Variants in LRCH1 observed in about 807,000 individuals in gnomAD.
LRCH1 encodes leucine-rich repeat and calponin homology domain-containing protein 1.
LRCH1 carries 23 observed loss-of-function variants against 94.9 expected under a neutral mutation model. The ratio of observed to expected loss-of-function variants is 0.24; its 90% confidence interval spans 0.17 to 0.34. The LOEUF (loss-of-function observed/expected upper bound fraction) is 0.34, where lower values mean the gene tolerates loss of function less well. Among genes scored for constraint, LRCH1 ranks in the 10% least tolerant of loss-of-function variants. The pLI, the probability that LRCH1 is intolerant of heterozygous loss-of-function variation, is 1.00. For missense variants in LRCH1, 790 were observed against 945.9 expected (o/e 0.84, Z 2.16); for synonymous variants, 364 against 354.9 (o/e 1.03, Z -0.29).
intron 2 of LRCH1, 68 bp from the exon 3 acceptor site, chr13:46,668,962 A>T: frequency 6.6e-7 from 1 of 1,523,264 alleles, no homozygotes; most frequent in Admixed American, 1.8e-5. Flanking sequence ...TCTTGTTAAA[A>T]ACAGGTTCAC....
At chr13:46,714,948 C>A (rs144812103) in intron 15 of LRCH1, among the ~76,000 whole-genome samples, 3 of 151,888 alleles carry the variant, frequency 2.0e-5, no homozygotes, top group Admixed American at 2.0e-4. Flanking sequence ...AGAGGTATGT[C>A]CAGGATTGAG....
At position 46,742,803 on chromosome 13, in the gene LRCH1, T is replaced by C. The variant is rs1873736229; in HGVS notation, c.*955T>C. 1.0e-6 allele frequency: 1 copy of C among 985,228 alleles called. No homozygotes were observed. Among genetic ancestry groups the C allele is most frequent in the African/African-American group, 1.7e-5 (1 of 57,206 alleles). The allele number at this position is 985,228 out of a possible 1,614,324, so 61.0% of individuals were successfully genotyped here. A position where few individuals can be genotyped will look rare whatever the true frequency, so the allele number is the denominator to read the frequency against. ...AACATTCTTGGTCCTGGTGCTTGGGTTATGATGGCAGGAGTCAAGAAGAAG... is the reference window on the plus strand; with the variant it reads ...AACATTCTTGGTCCTGGTGCTTGGGCTATGATGGCAGGAGTCAAGAAGAAG... On this transcript the variant is annotated 3_prime_UTR_variant, in exon 20 of 20. Transcript: ENST00000389797.
chr13:46,553,283 C>G lies in LRCH1; in HGVS notation c.-114C>G, dbSNP rs2050019672. ...CCACACCCTCCTCCCCTCCTTCCAG[C>G]GCCTTTCGGTGGAGCACTGCGGCAC... On this transcript the variant is annotated 5_prime_UTR_variant, in exon 1 of 20. Coordinates refer to ENST00000389797, the MANE Select transcript of LRCH1 (RefSeq NM_001164211.2). 11 of 791,542 alleles carry G rather than the reference C, an allele frequency of 1.4e-5. No individual in the cohort carries two copies. In the South Asian group the frequency reaches 1.8e-4, roughly 13 times the overall value. The allele number at this position is 791,542 out of a possible 1,614,324, so 49.0% of individuals were successfully genotyped here.
chr13:46,621,129 C>T (rs889381736), intron 1 of LRCH1, among the ~76,000 whole-genome samples: 3 of 152,244 alleles, frequency 2.0e-5, no homozygotes, highest in African/African-American at 7.2e-5. Context: ...TCATCTTTCT[C>T]TTACTCTCTA....
chr13:46,575,757 TA>T (rs1441214332), intron 1 of LRCH1, among the ~76,000 whole-genome samples: 1 of 152,154 alleles, frequency 6.6e-6, no homozygotes, highest in Non-Finnish European at 1.5e-5. Flanking sequence ...TTGCCTAATT[TA>T]TATTTAGGTA....
intron 2 of LRCH1, among the ~76,000 whole-genome samples, chr13:46,661,892 T>C (rs960742533): frequency 3.3e-5 from 5 of 152,168 alleles, no homozygotes; most frequent in Non-Finnish European, 1.5e-5. Flanking sequence ...CTTTCCTTTT[T>C]TAAGGGGGAA....
chr13:46,608,736 G>A (rs944114921), intron 1 of LRCH1, among the ~76,000 whole-genome samples: 3 of 152,166 alleles, frequency 2.0e-5, no homozygotes, highest in Non-Finnish European at 2.9e-5. Context: ...AGTTAATAAT[G>A]TGCAGTCTTT....
At chr13:46,695,534 T>C (rs1871138871) in intron 9 of LRCH1, among the ~76,000 whole-genome samples, 2 of 152,222 alleles carry the variant, frequency 1.3e-5, no homozygotes. Context: ...AACCTTCATC[T>C]TGGCAGCAAC....
chr13:46,588,579 C>T (rs1342545338), intron 1 of LRCH1, among the ~76,000 whole-genome samples: 6 of 145,302 alleles, frequency 4.1e-5, no homozygotes, highest in Admixed American at 3.5e-4. Flanking sequence ...TGCTGTATTT[C>T]GTTTCTCTCT....
chr13:46,664,066 A>T (rs60581583), intron 2 of LRCH1, among the ~76,000 whole-genome samples: 1,974 of 152,294 alleles, frequency 0.013, 38 homozygotes, highest in African/African-American at 0.045. Flanking sequence ...TCCAGATTGG[A>T]ATTAGGTACA....
intron 2 of LRCH1, among the ~76,000 whole-genome samples, chr13:46,665,016 A>G (rs1210977755): frequency 6.6e-6 from 1 of 152,220 alleles, no homozygotes; most frequent in Non-Finnish European, 1.5e-5. Context: ...CTGCCACACC[A>G]AGCAGCCAAT....
intron 1 of LRCH1, among the ~76,000 whole-genome samples, chr13:46,632,028 C>G (rs929582564): frequency 1.1e-4 from 17 of 152,128 alleles, no homozygotes; most frequent in African/African-American, 4.1e-4. Context: ...ATGGTGGAAC[C>G]CCATCTCTAC....
chr13:46,742,841 C>G lies in LRCH1; in HGVS notation c.*993C>G. ...AGTCAAGAAGAAGATTACTTTCATT[C>G]TAGAAGAATGTAGTTTCTCTAATTA... On this transcript the variant is annotated 3_prime_UTR_variant, in exon 20 of 20. Coordinates refer to ENST00000389797, the MANE Select transcript of LRCH1 (RefSeq NM_001164211.2). 1 of 985,360 alleles carries G rather than the reference C, an allele frequency of 1.0e-6. No individual in the cohort carries two copies. The allele number at this position is 985,360 out of a possible 1,614,324, so 61.0% of individuals were successfully genotyped here.
chr13:46,751,761 T>A (rs1331518727), exon 19 of LRCH1: 1 of 152,192 alleles, frequency 6.6e-6, no homozygotes, highest in African/African-American at 2.4e-5. Flanking sequence ...AAAAGTTGAT[T>A]GTTGAACCAA....
chr13:46,688,290 C>A (rs372608266), intron 6 of LRCH1, among the ~76,000 whole-genome samples: 455 of 152,242 alleles, frequency 3.0e-3, no homozygotes, highest in African/African-American at 0.011. Flanking sequence ...ATCTAGAATA[C>A]AAATGTGAAT....
chr13:46,652,559 C>A, intron 2 of LRCH1, among the ~76,000 whole-genome samples: 1 of 152,158 alleles, frequency 6.6e-6, no homozygotes, highest in Non-Finnish European at 1.5e-5. Context: ...TTTGAATTTT[C>A]TTGCTGTTTC....
At chr13:46,694,806 G>A in intron 8 of LRCH1, 87 bp from the exon 9 acceptor site, 2 of 1,428,306 alleles carry the variant, frequency 1.4e-6, no homozygotes, top group Non-Finnish European at 1.9e-6. Flanking sequence ...AAGACTTGAA[G>A]TGATTAGATC....
intron 4 of LRCH1, among the ~76,000 whole-genome samples, chr13:46,684,458 T>C (rs1047702204): frequency 2.1e-4 from 32 of 152,214 alleles, no homozygotes; most frequent in Non-Finnish European, 4.7e-4. Context: ...AACTTAGCCC[T>C]CTAGTCTTGC....
intron 1 of LRCH1, among the ~76,000 whole-genome samples, chr13:46,599,484 A>C (rs1335495686): frequency 6.6e-6 from 1 of 152,178 alleles, no homozygotes; most frequent in Non-Finnish European, 1.5e-5. Flanking sequence ...CAGGGGTTCC[A>C]GTTTCTCCAC....
Sources: gnomAD v4.1 joint callset for allele counts (sites outside exome capture counted in the v4.1 genomes callset) on GRCh38, gnomAD v4.1.1 for gene constraint, MANE v1.5 for transcripts, NCBI Gene and HGNC (gene_info 2026-07-23, HGNC 2026-07-21) for gene names.